Variants in PSPC1 observed in about 807,000 individuals in gnomAD.
The protein encoded by PSPC1 is paraspeckle component 1, also known as paraspeckle protein 1.
PSPC1 carries 14 observed loss-of-function variants against 51.6 expected under a neutral mutation model. The observed-to-expected ratio is 0.27, with a 90% CI of 0.18 to 0.42. The LOEUF (loss-of-function observed/expected upper bound fraction) is 0.42. Ranked by LOEUF, PSPC1 falls within the 10% of genes least tolerant of loss-of-function variation. The probability of loss-of-function intolerance (pLI) is 1.00; values close to 1 mark genes in which losing one functional copy is unlikely to be tolerated. For missense variants in PSPC1, 406 were observed against 701.1 expected, an observed-to-expected ratio of 0.58 and a Z score of 4.75; for synonymous variants, 193 against 231.9, an observed-to-expected ratio of 0.83 and a Z score of 1.53.
At chr13:19,706,135 A>C (rs1283065239) in intron 7 of PSPC1, among the ~76,000 whole-genome samples, 1 of 152,166 alleles carries the variant, frequency 6.6e-6, no homozygotes, top group African/African-American at 2.4e-5. Flanking sequence ...CAGGCTTTTA[A>C]ACCAAAGAAT....
chr13:19,732,128 T>A (rs532901406), intron 5 of PSPC1, among the ~76,000 whole-genome samples: 2 of 152,336 alleles, frequency 1.3e-5, no homozygotes, highest in South Asian at 4.1e-4. Context: ...CAGAACTTCA[T>A]GTCAGACAAC....
chr13:19,758,101 T>C (rs913154750), intron 3 of PSPC1, among the ~76,000 whole-genome samples: 1 of 151,388 alleles, frequency 6.6e-6, no homozygotes, highest in African/African-American at 2.4e-5. Context: ...GATCACGAGG[T>C]CAGGAGATCG....
At chr13:19,677,896 T>C (rs1320294124) in intron 6 of PSPC1, 3 of 453,314 alleles carry the variant, frequency 6.6e-6, no homozygotes, top group East Asian at 6.8e-5. Flanking sequence ...AAATCAGAGT[T>C]AACTCATTTA....
intron 5 of PSPC1, among the ~76,000 whole-genome samples, chr13:19,736,484 C>T (rs758486932): frequency 6.6e-6 from 1 of 151,936 alleles, no homozygotes; most frequent in Non-Finnish European, 1.5e-5. Context: ...CAGATCGAGA[C>T]CATCCTGGCT....
At chr13:19,743,482 C>CA (rs60102690) in intron 4 of PSPC1, among the ~76,000 whole-genome samples, 17 of 151,508 alleles carry the variant, frequency 1.1e-4, no homozygotes, top group African/African-American at 2.9e-4. Flanking sequence ...ATAAATTATG[C>CA]AAAAAAAAAG....
intron 6 of PSPC1, among the ~76,000 whole-genome samples, chr13:19,697,338 A>G (rs1185831985): frequency 6.6e-6 from 1 of 152,158 alleles, no homozygotes; most frequent in Admixed American, 6.5e-5. Flanking sequence ...TAACTTCAGA[A>G]GGATGTCTGT....
rs201903737 is a variant in PSPC1 at position 19,772,497 on chromosome 13, G to A, written c.419C>T (p.Thr140Ile). 1.9e-6 allele frequency: 3 copies of A among 1,613,814 alleles called. No homozygotes were observed. The highest frequency in any genetic ancestry group is 2.7e-5 in the African/African-American group (2 of 75,042). Reference protein sequence around the residue: ...AEIAKAELDGTILKSRPLRIR... With the variant: ...AEIAKAELDGIILKSRPLRIR... The stretch of plus-strand genomic sequence containing the variant: ...CCGTAGAGGTCTGCTCTTGAGAATG[G>A]TGCCGTCCAGCTCTGCTTTTGCAAT... Residue 140 changes from threonine to isoleucine, a missense_variant, in exon 2 of 9, where the codon ACC becomes ATC. Thr to Ile is a moderately conservative substitution (Grantham distance 89). Coordinates refer to ENST00000338910, the MANE Select transcript of PSPC1 (RefSeq NM_001354909.2).
rs60648960 is a variant in PSPC1 at position 19,688,962 on chromosome 13, T to A, written c.1159-11139A>T. Among the ~76,000 whole-genome samples, 1,196 of 54,200 alleles carry A rather than the reference T, an allele frequency of 0.022. 20 individuals carry two copies. The East Asian group carries it at 0.28, about 13-fold the overall frequency. 35.6% of individuals were successfully genotyped at this position (54,200 alleles called of 152,430 possible). ...TACTTTTAATGGTGTGATAAACTCT[T>A]AAAAAAAAAAAAAAAGGAAACTCAT... On this transcript the variant is annotated intron_variant and NMD_transcript_variant, in intron 6 of 7. Coordinates refer to the PSPC1 transcript ENST00000471658.
chr13:19,692,877 T>C (rs781071446), intron 6 of PSPC1, among the ~76,000 whole-genome samples: 3 of 152,206 alleles, frequency 2.0e-5, no homozygotes, highest in Non-Finnish European at 2.9e-5. Context: ...TCAAATTCAA[T>C]GTAGGGAGGC....
chr13:19,738,665 T>C (rs1885102928), intron 5 of PSPC1, among the ~76,000 whole-genome samples: 2 of 152,146 alleles, frequency 1.3e-5, no homozygotes, highest in South Asian at 4.1e-4. Context: ...CCCAGCACTT[T>C]GGGAGGCTGA....
chr13:19,769,868 G>A (rs1363668662), intron 2 of PSPC1, among the ~76,000 whole-genome samples: 2 of 152,112 alleles, frequency 1.3e-5, no homozygotes, highest in Non-Finnish European at 2.9e-5. Context: ...CAACCACCAC[G>A]GAAAAGAACT....
Position 19,705,838 on chromosome 13 carries a change from AAAAC to A in PSPC1, c.1217-11_1217-8del. ...GGGGCTGGGCTAAACGCATCTATGTAAAACAATCTATACTTAGAGCTGTCCTATC... is the reference window on the plus strand; with the variant it reads ...GGGGCTGGGCTAAACGCATCTATGTAAATCTATACTTAGAGCTGTCCTATC... On this transcript the variant is annotated splice_polypyrimidine_tract_variant and splice_region_variant and intron_variant, in intron 7 of 8. Coordinates refer to ENST00000338910, the MANE Select transcript of PSPC1 (RefSeq NM_001354909.2). The A allele has an allele frequency of 6.3e-7, 1 of 1,597,234 alleles. No individual in the cohort carries two copies. The highest frequency in any genetic ancestry group is 8.5e-7 in the Non-Finnish European group (1 of 1,173,432).
intron 2 of PSPC1, among the ~76,000 whole-genome samples, chr13:19,766,737 C>G (rs1424061070): frequency 6.6e-6 from 1 of 151,908 alleles, no homozygotes; most frequent in South Asian, 2.1e-4. Flanking sequence ...TGCCTATAGT[C>G]CCAGCAGCTT....
chr13:19,678,021 C>T (rs966787154), intron 6 of PSPC1: 8 of 333,308 alleles, frequency 2.4e-5, no homozygotes, highest in African/African-American at 1.5e-4. Flanking sequence ...CCTCAAAGAA[C>T]ATCAACTGAA....
intron 2 of PSPC1, among the ~76,000 whole-genome samples, chr13:19,763,233 GC>G (rs539068439): frequency 5.1e-4 from 77 of 152,144 alleles, no homozygotes; most frequent in Admixed American, 1.3e-3. Context: ...ACAGCTCACT[GC>G]AGCCTCAACC....
intron 4 of PSPC1, among the ~76,000 whole-genome samples, chr13:19,749,427 T>C (rs1191212303): frequency 6.7e-6 from 1 of 148,448 alleles, no homozygotes; most frequent in South Asian, 2.1e-4. Context: ...CTAGGGAGGG[T>C]GAGGCACGAG....
chr13:19,759,478 TAAAAG>T (rs2138198270), intron 2 of PSPC1, 60 bp from the exon 3 acceptor site: 8 of 1,140,580 alleles, frequency 7.0e-6, no homozygotes, highest in Middle Eastern at 2.0e-4. Context: ...AATACCGTCT[TAAAAG>T]AAATGTTTTA....
In PSPC1 at chr13:19,719,658, T is replaced by C. The variant is rs186355662; in HGVS notation, c.1159-10059A>G. Among the ~76,000 whole-genome samples, 43 of 152,352 alleles carry C rather than the reference T, an allele frequency of 2.8e-4. No homozygotes were observed. The East Asian group carries it at 6.9e-3, about 25-fold the overall frequency. ...TATTTTGAAAGCCTCGGTCAGGTAA[T>C]TGAGTGAATAGATTGCTCTGATATT... On this transcript the variant is annotated intron_variant, in intron 6 of 8. Transcript: ENST00000338910.
In PSPC1 at chr13:19,719,621, C is replaced by T. The variant is rs542668175; in HGVS notation, c.1159-10022G>A. The stretch of plus-strand genomic sequence containing the variant: ...TGACATGTGCCTCTTAAACCAAATA[C>T]ATTCAACAATGTATTTTGAAAGCCT... On this transcript the variant is annotated intron_variant, in intron 6 of 8. Transcript: ENST00000338910. 2.2e-3 allele frequency among the ~76,000 whole-genome samples: 339 copies of T among 152,286 alleles called. 1 individual carries two copies. The highest frequency in any genetic ancestry group is 8.1e-3 in the African/African-American group (336 of 41,566).
Sources: allele counts gnomAD v4.1 joint callset (sites outside exome capture counted in the v4.1 genomes callset), GRCh38; gene constraint gnomAD v4.1.1; transcripts MANE v1.5; gene names NCBI Gene and HGNC (gene_info 2026-07-23, HGNC 2026-07-21).